The following POU5F1 variants were observed in gnomAD, a reference collection of about 807,000 sequenced individuals.
POU5F1 encodes the protein POU domain, class 5, transcription factor 1.
Under a neutral mutation model 38.3 loss-of-function variants are expected in POU5F1, and 6 were observed. The observed-to-expected ratio is 0.16, with a 90% CI of 0.09 to 0.31. POU5F1 has a LOEUF of 0.31. Among genes scored for constraint, POU5F1 ranks in the 10% least tolerant of loss-of-function variants. The pLI, the probability that POU5F1 is intolerant of heterozygous loss-of-function variation, is 1.00. For missense variants in POU5F1, 286 were observed against 462.6 expected (o/e 0.62, Z 3.50); for synonymous variants, 147 against 194.9 (o/e 0.75, Z 2.05).
Position 31,165,874 on chromosome 6 carries a change from AG to A in POU5F1, c.526+52del. ...GCCCCTGCCCCTCCCCACTAGGTTC[AG>A]GGATACTCCTTAGAGGGGAGATGCG... On this transcript the variant is annotated intron_variant, in intron 2 of 4. Transcript: ENST00000259915. The surrounding 1 kb of genome is among the most constrained non-coding windows in gnomAD (Gnocchi z 6.5). 17 of 1,610,736 alleles carry A rather than the reference AG, an allele frequency of 1.1e-5. No individual in the cohort carries two copies. Among genetic ancestry groups the A allele is most frequent in the Non-Finnish European group, 1.4e-5 (17 of 1,177,826 alleles).
At chr6:31,168,690 G>A (rs1777458121) in intron 1 of POU5F1, among the ~76,000 whole-genome samples, 1 of 152,224 alleles carries the variant, frequency 6.6e-6, no homozygotes, top group South Asian at 2.1e-4. Context: ...AAGAAACTGA[G>A]GATGACTGGG....
At position 31,165,415 on chromosome 6, in the gene POU5F1, T is replaced by A; in HGVS notation, c.658-129A>T. 1 of 1,561,622 alleles carries A rather than the reference T, an allele frequency of 6.4e-7. No homozygotes were observed. Among genetic ancestry groups the A allele is most frequent in the Non-Finnish European group, 8.7e-7 (1 of 1,150,742 alleles). On this transcript the variant is annotated intron_variant, in intron 3 of 4. Coordinates refer to ENST00000259915, the MANE Select transcript of POU5F1 (RefSeq NM_002701.6). The surrounding 1 kb of genome is among the most constrained non-coding windows in gnomAD (Gnocchi z 6.5). ...GTGAAAAGGCAGGATCCTGGAAGGGTTGGCTCTGGACCTTATCCCAGCAGA... is the reference window on the plus strand; with the variant it reads ...GTGAAAAGGCAGGATCCTGGAAGGGATGGCTCTGGACCTTATCCCAGCAGA...
intron 1 of POU5F1, among the ~76,000 whole-genome samples, chr6:31,168,218 A>T (rs892873655): frequency 4.1e-5 from 6 of 147,020 alleles, no homozygotes; most frequent in African/African-American, 1.5e-4. Flanking sequence ...ACAGGTGTGA[A>T]CCACCGCACC....
chr6:31,168,937 T>C (rs3132524), intron 1 of POU5F1, among the ~76,000 whole-genome samples: 118,226 of 152,116 alleles, frequency 0.78, 46,178 homozygotes, highest in Middle Eastern at 0.86. Context: ...TTTTTGTAGT[T>C]CTGAAGCCTC....
chr6:31,165,075 C>T lies in POU5F1; in HGVS notation c.816+53G>A, dbSNP rs1777114361. ...TTGGAGGAGCCAGAGCTAGGGAAAG[C>T]GAGGTGGTGACAGGGGAAAGAGATG... On this transcript the variant is annotated intron_variant, in intron 4 of 4. Coordinates refer to ENST00000259915, the MANE Select transcript of POU5F1 (RefSeq NM_002701.6). This position sits in a 1 kb window ranked among gnomAD's most constrained non-coding sequence, Gnocchi z 6.5. 5 of 1,582,806 alleles carry T rather than the reference C, an allele frequency of 3.2e-6. No individual in the cohort carries two copies. The highest frequency in any genetic ancestry group is 2.6e-6 in the Non-Finnish European group (3 of 1,165,138).
At chr6:31,168,103 C>CTAATTTT (rs1394469629) in intron 1 of POU5F1, among the ~76,000 whole-genome samples, 1 of 152,116 alleles carries the variant, frequency 6.6e-6, no homozygotes, top group Non-Finnish European at 1.5e-5. Flanking sequence ...CCATGCCCGG[C>CTAATTTT]TAATTTTTGT....
intron 1 of POU5F1, 92 bp downstream of exon 1, chr6:31,170,124 C>T: frequency 6.2e-7 from 1 of 1,601,062 alleles, no homozygotes; most frequent in East Asian, 2.2e-5. Flanking sequence ...TCCTGGGTGC[C>T]AGGTCTGGGC....
intron 1 of POU5F1, chr6:31,166,721 A>G (rs775390135): frequency 8.5e-7 from 1 of 1,175,488 alleles, no homozygotes; most frequent in Non-Finnish European, 1.1e-6. Flanking sequence ...CTCAAGTATC[A>G]CCCCCAGTTT....
Position 31,165,843 on chromosome 6 carries a change from T to TAG in POU5F1, c.526+82_526+83dup, listed in dbSNP as rs3064871. 1,052,597 of 1,579,348 alleles carry TAG rather than the reference T, an allele frequency of 0.67. 353,670 individuals carry two copies. The highest frequency in any genetic ancestry group is 0.79 in the African/African-American group (58,520 of 73,782). On this transcript the variant is annotated intron_variant, in intron 2 of 4. Transcript: ENST00000259915. This position sits in a 1 kb window ranked among gnomAD's most constrained non-coding sequence, Gnocchi z 6.5. ...CCCTACTCCTCTTCATGGGTGAGGGTAGTCTGCCCCTGCCCCTCCCCACTA... is the reference window on the plus strand; with the variant it reads ...CCCTACTCCTCTTCATGGGTGAGGGTAGAGTCTGCCCCTGCCCCTCCCCACTA...
rs1364129645 is a variant in POU5F1 at position 31,170,363 on chromosome 6, G to A, written c.258C>T (p.Pro86=). 4 of 1,612,712 alleles carry A rather than the reference G, an allele frequency of 2.5e-6. No homozygotes were observed. The highest frequency in any genetic ancestry group is 3.4e-6 in the Non-Finnish European group (4 of 1,179,836). ...CGPQVGVGLV[P]QGGLETSQPE... is the part of the protein sequence containing the mutation. The stretch of plus-strand genomic sequence containing the variant: ...GCTGAGAGGTCTCCAAGCCGCCTTG[G>A]GGCACTAGCCCCACTCCAACCTGGG... Residue 86 remains proline, a synonymous_variant, in exon 1 of 5, where the codon CCC becomes CCT. Transcript: ENST00000259915.
intron 1 of POU5F1, among the ~76,000 whole-genome samples, chr6:31,167,390 T>TA (rs145024548): frequency 2.0e-5 from 3 of 150,896 alleles, no homozygotes; most frequent in African/African-American, 2.4e-5. Context: ...TGCCTCTATT[T>TA]AAAATATATA....
At chr6:31,168,963 T>C (rs1281283194) in intron 1 of POU5F1, among the ~76,000 whole-genome samples, 1 of 152,190 alleles carries the variant, frequency 6.6e-6, no homozygotes. Flanking sequence ...AGTGTTTCAA[T>C]GGTGCTTGAT....
At chr6:31,170,025 C>T in intron 1 of POU5F1, 191 bp downstream of exon 1, 2 of 851,556 alleles carry the variant, frequency 2.3e-6, no homozygotes, top group Non-Finnish European at 3.6e-6. Flanking sequence ...ATCCAGCTTC[C>T]ACTTCCCACC....
Position 31,170,493 on chromosome 6 carries a change from C to G in POU5F1, c.128G>C (p.Gly43Ala). 1.3e-6 allele frequency: 2 copies of G among 1,599,098 alleles called. No individual in the cohort carries two copies. The highest frequency in any genetic ancestry group is 1.7e-6 in the Non-Finnish European group (2 of 1,173,544). The change falls in exon 1 of 5, where the codon GGA (glycine) becomes GCA (alanine). Residue 43 changes from glycine to alanine, a missense_variant. Gly to Ala is a moderately conservative substitution (Grantham distance 60, BLOSUM62 0). Around this residue, in one of 2 missense-constraint regions of POU5F1, gnomAD observed 176 missense variants for 184.8 expected, o/e 0.95. Transcript: ENST00000259915. Reference protein sequence around the residue: ...RTWLSFQGPPGGPGIGPGVGP... With the variant: ...RTWLSFQGPPAGPGIGPGVGP... ...AACCCCCGGCCCGATTCCTGGCCCT[C>G]CAGGAGGGCCTTGGAAGCTTAGCCA...
chr6:31,167,486 T>A (rs549917820), intron 1 of POU5F1, among the ~76,000 whole-genome samples: 1 of 152,206 alleles, frequency 6.6e-6, no homozygotes, highest in East Asian at 1.9e-4. Context: ...GGTGGGTAGA[T>A]CACTTGAGGT....
At chr6:31,168,924 G>C (rs62401285) in intron 1 of POU5F1, among the ~76,000 whole-genome samples, 1 of 152,158 alleles carries the variant, frequency 6.6e-6, no homozygotes, top group Non-Finnish European at 1.5e-5. Flanking sequence ...AAAAAACAAG[G>C]CCTTTTTGTA....
In POU5F1 at chr6:31,170,350, C is replaced by G; in HGVS notation, c.271G>C (p.Glu91Gln). The G allele has an allele frequency of 6.2e-7, 1 of 1,612,774 alleles. No individual in the cohort carries two copies. Among genetic ancestry groups the G allele is most frequent in the Non-Finnish European group, 8.5e-7 (1 of 1,179,852 alleles). Residue 91 changes from glutamate to glutamine, a missense_variant, in exon 1 of 5, where the codon GAG (glutamate) becomes CAG (glutamine). Physicochemically the swap from Glu to Gln is conservative, Grantham distance 29. Coordinates refer to ENST00000259915, the MANE Select transcript of POU5F1 (RefSeq NM_002701.6). ...GCTTCGCCCTCAGGCTGAGAGGTCT[C>G]CAAGCCGCCTTGGGGCACTAGCCCC... ...GVGLVPQGGL[E>Q]TSQPEGEAGV... is the part of the protein sequence containing the mutation.
Position 31,164,872 on chromosome 6 carries a change from A to C in POU5F1, c.817-5T>G, listed in dbSNP as rs2394882. 0.67 allele frequency: 1,073,558 copies of C among 1,609,460 alleles called. 360,389 individuals carry two copies. Among genetic ancestry groups the C allele is most frequent in the African/African-American group, 0.79 (59,454 of 74,910 alleles). ...ACAGAACCACACTCGGACCACCTGC[A>C]AGTGAATGACAGAAAGGAGAATGAC... is the stretch of plus-strand genomic sequence containing the variant. On this transcript the variant is annotated splice_polypyrimidine_tract_variant and splice_region_variant and intron_variant, in intron 4 of 4. Transcript: ENST00000259915.
At position 31,170,626 on chromosome 6, in the gene POU5F1, A is replaced by G; in HGVS notation, c.-6T>C. The G allele has an allele frequency of 6.5e-7, 1 of 1,549,902 alleles. No individual in the cohort carries two copies. The highest frequency in any genetic ancestry group is 8.7e-7 in the Non-Finnish European group (1 of 1,147,108). ...GAAGCCAGGTGTCCCGCCATGGGGA[A>G]GGAAGGCGCCCCAAGCCGGGGGCCT... On this transcript the variant is annotated 5_prime_UTR_variant, in exon 1 of 5. Coordinates refer to ENST00000259915, the MANE Select transcript of POU5F1 (RefSeq NM_002701.6).
Sources: allele counts gnomAD v4.1 joint callset (sites outside exome capture counted in the v4.1 genomes callset), GRCh38; gene constraint gnomAD v4.1.1; regional missense constraint gnomAD v4.1.1; non-coding constraint Gnocchi (gnomAD v3.1); transcripts MANE v1.5; gene names NCBI Gene and HGNC (gene_info 2026-07-23, HGNC 2026-07-21).